The following IL26 variants were observed in gnomAD, a reference collection of about 807,000 sequenced individuals.
IL26 encodes interleukin-26.
A neutral mutation model predicts 21.7 loss-of-function variants in IL26; 23 were observed. The observed-to-expected ratio is 1.06, with a 90% CI of 0.76 to 1.50. The LOEUF is 1.50. Ranked by LOEUF, IL26 falls within the 40% of genes most tolerant of loss-of-function variation. The pLI, the probability that IL26 is intolerant of heterozygous loss-of-function variation, is 0.00. For synonymous variants in IL26, 63 were observed against 67.8 expected, an observed-to-expected ratio of 0.93 and a Z score of 0.34; for missense variants, 204 against 196.0, an observed-to-expected ratio of 1.04 and a Z score of -0.24.
Position 68,201,784 on chromosome 12 carries a change from A to G in IL26, c.*61T>C. 8.6e-7 allele frequency: 1 copy of G among 1,159,474 alleles called. No individual in the cohort carries two copies. Among genetic ancestry groups the G allele is most frequent in the Non-Finnish European group, 1.2e-6 (1 of 806,478 alleles). The allele number at this position is 1,159,474 out of a possible 1,614,324, so 71.8% of individuals were successfully genotyped here. On this transcript the variant is annotated 3_prime_UTR_variant, in exon 5 of 5. Transcript: ENST00000229134. ...AAAAGAAATAGACTGTTATAAACAT[A>G]TTTCTAGCAGTTCTTATTGTATTTC...
At chr12:68,225,069 G>T in intron 3 of IL26, 80 bp downstream of exon 3, 1 of 1,391,202 alleles carries the variant, frequency 7.2e-7, no homozygotes, top group Non-Finnish European at 9.7e-7. Flanking sequence ...CTCACCCTTT[G>T]GTGTGAGACA....
chr12:68,224,493 C>T (rs997009760), intron 3 of IL26, among the ~76,000 whole-genome samples: 5 of 151,282 alleles, frequency 3.3e-5, no homozygotes, highest in African/African-American at 9.8e-5. Context: ...AAGTTTTTTA[C>T]TGAGATTATG....
chr12:68,214,907 TG>T (rs1868832626), intron 3 of IL26, among the ~76,000 whole-genome samples: 1 of 151,880 alleles, frequency 6.6e-6, no homozygotes, highest in Non-Finnish European at 1.5e-5. Context: ...TATTTCATTT[TG>T]TTTTTTTTAA....
chr12:68,202,929 A>C (rs1020379410), intron 3 of IL26, among the ~76,000 whole-genome samples: 12 of 152,226 alleles, frequency 7.9e-5, no homozygotes, highest in African/African-American at 2.4e-4. Context: ...AAACTGAAAG[A>C]AAGCAAGCAA....
At chr12:68,210,105 A>G (rs1271218915) in intron 3 of IL26, among the ~76,000 whole-genome samples, 1 of 151,980 alleles carries the variant, frequency 6.6e-6, no homozygotes, top group Non-Finnish European at 1.5e-5. Flanking sequence ...CTTCTCCAAA[A>G]TACAGATGAT....
intron 3 of IL26, among the ~76,000 whole-genome samples, chr12:68,207,080 C>A (rs749205815): frequency 9.2e-5 from 14 of 152,200 alleles, no homozygotes; most frequent in Non-Finnish European, 2.1e-4. Flanking sequence ...ATGAAAGCTG[C>A]ATTTTCAATA....
intron 3 of IL26, among the ~76,000 whole-genome samples, chr12:68,206,891 G>GT (rs1868559390): frequency 6.6e-6 from 1 of 152,254 alleles, no homozygotes; most frequent in African/African-American, 2.4e-5. Flanking sequence ...TATCTTGACA[G>GT]TTTTTTTAAG....
At chr12:68,223,421 A>G (rs1426330508) in intron 3 of IL26, among the ~76,000 whole-genome samples, 2 of 152,196 alleles carry the variant, frequency 1.3e-5, no homozygotes, top group African/African-American at 2.4e-5. Context: ...AAGAAAAACC[A>G]GAGTTCCTAG....
intron 3 of IL26, among the ~76,000 whole-genome samples, chr12:68,221,801 A>G (rs1869053766): frequency 6.6e-6 from 1 of 152,228 alleles, no homozygotes; most frequent in South Asian, 2.1e-4. Context: ...TAATCCAGGT[A>G]ATGAGATTTG....
At chr12:68,207,894 TAATG>T (rs5798897) in intron 3 of IL26, among the ~76,000 whole-genome samples, 41,212 of 151,934 alleles carry the variant, frequency 0.27, 6,944 homozygotes, top group Non-Finnish European at 0.39. Flanking sequence ...TTTTATGCAT[TAATG>T]ACATATTTTT....
At chr12:68,221,640 C>G (rs991096744) in intron 3 of IL26, among the ~76,000 whole-genome samples, 1 of 152,152 alleles carries the variant, frequency 6.6e-6, no homozygotes, top group Non-Finnish European at 1.5e-5. Flanking sequence ...TCATAAAGTT[C>G]CATGCAAATG....
chr12:68,219,094 A>G (rs1167210019), intron 3 of IL26, among the ~76,000 whole-genome samples: 15 of 152,048 alleles, frequency 9.9e-5, no homozygotes, highest in Admixed American at 8.5e-4. Context: ...GAAGTTCACA[A>G]TTAATGTCAG....
Position 68,201,789 on chromosome 12 carries a change from T to G in IL26, c.*56A>C. 2 of 1,186,722 alleles carry G rather than the reference T, an allele frequency of 1.7e-6. No individual in the cohort carries two copies. The highest frequency in any genetic ancestry group is 4.6e-5 in the Admixed American group (2 of 43,242). 73.5% of individuals were successfully genotyped at this position (1,186,722 alleles called of 1,614,324 possible). On this transcript the variant is annotated 3_prime_UTR_variant, in exon 5 of 5. Transcript: ENST00000229134. Reference sequence around the variant, plus strand: ...AAATAGACTGTTATAAACATATTTCTAGCAGTTCTTATTGTATTTCAAAAT... The same window carrying G: ...AAATAGACTGTTATAAACATATTTCGAGCAGTTCTTATTGTATTTCAAAAT...
intron 3 of IL26, among the ~76,000 whole-genome samples, chr12:68,208,654 C>A (rs1868615277): frequency 6.6e-6 from 1 of 152,082 alleles, no homozygotes; most frequent in African/African-American, 2.4e-5. Flanking sequence ...AGGCACCCAC[C>A]ACCACGCCTG....
intron 3 of IL26, among the ~76,000 whole-genome samples, chr12:68,204,140 G>GTTTTTTTTTTTTTTTTTTTTTTTT (rs1565735764): frequency 3.7e-5 from 4 of 108,936 alleles, no homozygotes; most frequent in Non-Finnish European, 7.7e-5. Context: ...AGGATTCAAA[G>GTTTTTTTTTTTTTTTTTTTTTTTT]ATTTTTTTTT....
chr12:68,214,563 T>C (rs991052939), intron 3 of IL26, among the ~76,000 whole-genome samples: 2 of 152,332 alleles, frequency 1.3e-5, no homozygotes, highest in Admixed American at 6.5e-5. Flanking sequence ...TCTAGCTGAA[T>C]TAACCTCTTT....
At chr12:68,208,289 G>A (rs1332303835) in intron 3 of IL26, among the ~76,000 whole-genome samples, 1 of 152,168 alleles carries the variant, frequency 6.6e-6, no homozygotes, top group Non-Finnish European at 1.5e-5. Flanking sequence ...TGAGTAGGCA[G>A]GGAAGCAAGG....
In IL26 at chr12:68,225,777, G is replaced by A. The variant is rs1415011940; in HGVS notation, c.-21C>T. On this transcript the variant is annotated 5_prime_UTR_variant, in exon 1 of 5. It adds an upstream start codon to the 5' untranslated region. Coordinates refer to ENST00000229134, the MANE Select transcript of IL26 (RefSeq NM_018402.2). ...AGCATTTCCCTTCACCCCACTCAGC[G>A]TGTGTCACTCACAGCAGCCCAAGAG... The A allele has an allele frequency of 1.9e-6, 3 of 1,611,904 alleles. No homozygotes were observed. Among genetic ancestry groups the A allele is most frequent in the Non-Finnish European group, 1.7e-6 (2 of 1,178,820 alleles).
At chr12:68,202,204 C>A in intron 3 of IL26, 121 bp from the exon 4 acceptor site, 1 of 519,296 alleles carries the variant, frequency 1.9e-6, no homozygotes, top group Non-Finnish European at 3.3e-6. Flanking sequence ...TATGCACTGG[C>A]AAAATAAATA....
Sources: allele counts gnomAD v4.1 joint callset (sites outside exome capture counted in the v4.1 genomes callset), GRCh38; gene constraint gnomAD v4.1.1; transcripts MANE v1.5; gene names NCBI Gene and HGNC (gene_info 2026-07-23, HGNC 2026-07-21).